PARD6G: variants seen among roughly 807,000 people sequenced by gnomAD.
PARD6G encodes the protein partitioning defective 6 homolog gamma.
A neutral mutation model predicts 10.7 loss-of-function variants in PARD6G; 7 were observed. The observed-to-expected ratio is 0.66, with a 90% CI of 0.37 to 1.23. The LOEUF (loss-of-function observed/expected upper bound fraction) is 1.23. PARD6G is among the 50% of genes most tolerant of loss of function. The pLI is 0.02. For missense variants in PARD6G, 548 were observed against 571.8 expected (o/e 0.96, Z 0.42); for synonymous variants, 287 against 269.4 (o/e 1.07, Z -0.64).
At chr18:80,174,405 C>T (rs2052795827) in intron 2 of PARD6G, among the ~76,000 whole-genome samples, 1 of 152,138 alleles carries the variant, frequency 6.6e-6, no homozygotes. Flanking sequence ...TGGGCTCAAG[C>T]AATCCTCTCA....
chr18:80,217,128 G>T (rs1035307218), intron 1 of PARD6G, among the ~76,000 whole-genome samples: 3 of 152,258 alleles, frequency 2.0e-5, no homozygotes, highest in South Asian at 2.1e-4. Flanking sequence ...ATAATCATGT[G>T]GGTATGTCAA....
At chr18:80,237,948 A>T (rs1967443592) in intron 1 of PARD6G, among the ~76,000 whole-genome samples, 1 of 152,138 alleles carries the variant, frequency 6.6e-6, no homozygotes, top group South Asian at 2.1e-4. Flanking sequence ...GCGATTCCTC[A>T]GGGATCTAGA....
At chr18:80,207,371 G>A (rs1967064108) in intron 1 of PARD6G, among the ~76,000 whole-genome samples, 2 of 151,142 alleles carry the variant, frequency 1.3e-5, no homozygotes, top group Non-Finnish European at 3.0e-5. Context: ...TTATTTGGAT[G>A]GCTAGTGATT....
In PARD6G at chr18:80,159,553, C is replaced by G; in HGVS notation, c.*218G>C. On this transcript the variant is annotated 3_prime_UTR_variant, in exon 3 of 3. Coordinates refer to ENST00000353265, the MANE Select transcript of PARD6G (RefSeq NM_032510.4). ...AAGGCGCCAAGACCTGCACTCAGGCCTGGTATAGAGTGTCTCTACAGGCGT... is the reference window on the plus strand; with the variant it reads ...AAGGCGCCAAGACCTGCACTCAGGCGTGGTATAGAGTGTCTCTACAGGCGT... The G allele has an allele frequency of 1.6e-6, 1 of 623,292 alleles. No homozygotes were observed. The highest frequency in any genetic ancestry group is 3.6e-5 in the East Asian group (1 of 27,874). The allele number at this position is 623,292 out of a possible 1,614,324, so 38.6% of individuals were successfully genotyped here.
intron 1 of PARD6G, among the ~76,000 whole-genome samples, chr18:80,218,415 C>A (rs2145292260): frequency 6.6e-6 from 1 of 152,256 alleles, no homozygotes; most frequent in East Asian, 1.9e-4. Flanking sequence ...TCTGACAGGG[C>A]AGTCACTAAA....
chr18:80,197,623 T>A (rs1966970041), intron 2 of PARD6G: 1 of 152,228 alleles, frequency 6.6e-6, no homozygotes. Context: ...TACCAAGTCC[T>A]GGGCTGTGCC....
At chr18:80,195,996 T>C (rs553199030) in intron 2 of PARD6G, among the ~76,000 whole-genome samples, 58 of 152,126 alleles carry the variant, frequency 3.8e-4, no homozygotes, top group Non-Finnish European at 5.7e-4. Flanking sequence ...AAAATACTCA[T>C]ACCTTTTAAC....
intron 2 of PARD6G, chr18:80,162,528 G>C (rs1003645269): frequency 5.9e-6 from 1 of 169,244 alleles, no homozygotes; most frequent in Non-Finnish European, 1.5e-5. Context: ...ATGGGATCTT[G>C]GTTCCTGGCC....
chr18:80,185,802 G>A (rs1407505988), intron 2 of PARD6G, among the ~76,000 whole-genome samples: 6 of 121,006 alleles, frequency 5.0e-5, no homozygotes, highest in Admixed American at 1.8e-4. Flanking sequence ...CCTCACACAC[G>A]CATATACCCT....
rs957020569 is a variant in PARD6G at position 80,180,745 on chromosome 18, C to A, written c.296-20139G>T. Among the ~76,000 whole-genome samples, 5 of 152,130 alleles carry A rather than the reference C, an allele frequency of 3.3e-5. No homozygotes were observed. Among genetic ancestry groups the A allele is most frequent in the African/African-American group, 7.2e-5 (3 of 41,416 alleles). On this transcript the variant is annotated intron_variant, in intron 2 of 2. Coordinates refer to ENST00000353265, the MANE Select transcript of PARD6G (RefSeq NM_032510.4). This position sits in a 1 kb window ranked among gnomAD's most constrained non-coding sequence, Gnocchi z 5.6. ...GCTTTGTCAGGGGGCCGGACGTCCA[C>A]CTGCAGGCCCAGCCCTTCCTCATCA...
At position 80,158,115 on chromosome 18, in the gene PARD6G, TACTA is replaced by T. The variant is rs1253875830; in HGVS notation, c.*1652_*1655del. The stretch of plus-strand genomic sequence containing the variant: ...TGTATCAAATAGGAATTTTTAAAAT[TACTA>T]AATATATAAACGTTGCTGGAAGATC... On this transcript the variant is annotated 3_prime_UTR_variant, in exon 3 of 3. Transcript: ENST00000353265. The T allele has an allele frequency of 6.6e-6, 1 of 152,242 alleles. No homozygotes were observed. Among genetic ancestry groups the T allele is most frequent in the Non-Finnish European group, 1.5e-5 (1 of 68,044 alleles). 9.4% of individuals were successfully genotyped at this position (152,242 alleles called of 1,614,324 possible). A position where few individuals can be genotyped will look rare whatever the true frequency, so the allele number is the denominator to read the frequency against.
intron 2 of PARD6G, among the ~76,000 whole-genome samples, chr18:80,172,200 G>A (rs1228101734): frequency 1.3e-5 from 2 of 152,150 alleles, no homozygotes; most frequent in Non-Finnish European, 2.9e-5. Context: ...ACTTGTTTCT[G>A]TCTGTCATTA....
intron 1 of PARD6G, among the ~76,000 whole-genome samples, chr18:80,209,938 A>C (rs942841262): frequency 2.6e-5 from 4 of 152,194 alleles, no homozygotes; most frequent in African/African-American, 9.7e-5. Flanking sequence ...CACCTATATC[A>C]TATCAATCTC....
intron 2 of PARD6G, among the ~76,000 whole-genome samples, chr18:80,197,833 A>C (rs1301238686): frequency 6.6e-6 from 1 of 152,252 alleles, no homozygotes; most frequent in African/African-American, 2.4e-5. Flanking sequence ...GCAGGGGAAC[A>C]GAGAAGCGGG....
chr18:80,197,158 A>C (rs1363369443), intron 2 of PARD6G, among the ~76,000 whole-genome samples: 1 of 152,214 alleles, frequency 6.6e-6, no homozygotes, highest in Non-Finnish European at 1.5e-5. Flanking sequence ...GGAATGCAGA[A>C]ATTGAATTCT....
intron 1 of PARD6G, among the ~76,000 whole-genome samples, chr18:80,232,060 C>A (rs536188548): frequency 1.3e-5 from 2 of 152,242 alleles, no homozygotes; most frequent in East Asian, 1.9e-4. Flanking sequence ...TTTTTCAGGG[C>A]ATTTTTAAAA....
intron 2 of PARD6G, among the ~76,000 whole-genome samples, chr18:80,193,304 TCAA>T (rs1966916361): frequency 6.6e-6 from 1 of 152,132 alleles, no homozygotes; most frequent in African/African-American, 2.4e-5. Flanking sequence ...CCCCAGAGAC[TCAA>T]CAAACTCCAT....
chr18:80,162,591 T>A lies in PARD6G; in HGVS notation c.296-1985A>T, dbSNP rs191879595. The A allele has an allele frequency of 2.1e-4, 35 of 169,346 alleles. No homozygotes were observed. In the Admixed American group the frequency reaches 2.2e-3, roughly 11 times the overall value. 10.5% of individuals were successfully genotyped at this position (169,346 alleles called of 1,614,324 possible). A position where few individuals can be genotyped will look rare whatever the true frequency, so the allele number is the denominator to read the frequency against. ...ACACTGCAAATCCTTACTCAGTGAC[T>A]TCAGGGATACAGGTGAGTGGATAAA... is the stretch of plus-strand genomic sequence containing the variant. On this transcript the variant is annotated intron_variant, in intron 2 of 2. Transcript: ENST00000353265.
rs58158283 is a variant in PARD6G, at chr18:80,182,545, T to A, written c.295+20165A>T. On this transcript the variant is annotated intron_variant, in intron 2 of 2. Transcript: ENST00000353265. This position sits in a 1 kb window ranked among gnomAD's most constrained non-coding sequence, Gnocchi z 4.5. ...AACTGTGAATGCATTTCCCATAACA[T>A]CTGAAAATGTACACTAAAAATCAAG... Among the ~76,000 whole-genome samples the A allele has an allele frequency of 8.3e-3, 1,257 of 152,342 alleles. 20 individuals are homozygous for A. The highest frequency in any genetic ancestry group is 0.029 in the African/African-American group (1,202 of 41,564).
Sources: gnomAD v4.1 joint callset for allele counts (sites outside exome capture counted in the v4.1 genomes callset) on GRCh38, gnomAD v4.1.1 for gene constraint, Gnocchi (gnomAD v3.1) non-coding constraint, MANE v1.5 for transcripts, NCBI Gene and HGNC (gene_info 2026-07-23, HGNC 2026-07-21) for gene names.